TAOK3: variants seen among roughly 807,000 people sequenced by gnomAD.
The protein encoded by TAOK3 is TAO kinase 3, also known as serine/threonine-protein kinase TAO3.
In TAOK3, 40 loss-of-function variants were observed where a neutral mutation model predicts 120.4. The ratio of observed to expected loss-of-function variants is 0.33; its 90% CI spans 0.26 to 0.43. The LOEUF is 0.43. Ranked by LOEUF, TAOK3 falls within the 20% of genes least tolerant of loss-of-function variation. The probability of loss-of-function intolerance (pLI) is 1.00; values close to 1 mark genes in which losing one functional copy is unlikely to be tolerated. For synonymous variants in TAOK3, 355 were observed against 387.5 expected, an observed-to-expected ratio of 0.92 and a Z score of 0.99; for missense variants, 821 against 1,112.1, an observed-to-expected ratio of 0.74 and a Z score of 3.72.
At position 118,263,647 on chromosome 12, in the gene TAOK3, A is replaced by G. The variant is rs113485516; in HGVS notation, c.-89+3008T>C. ...AGAATTGTCAAAACTTAATAATAAG[A>G]AAATAAGAAAACCCAATTTTTTTAA... On this transcript the variant is annotated intron_variant, in intron 2 of 20. Coordinates refer to ENST00000392533, the MANE Select transcript of TAOK3 (RefSeq NM_016281.4). Among the ~76,000 whole-genome samples, 1,469 of 152,320 alleles carry G rather than the reference A, an allele frequency of 9.6e-3. 24 individuals are homozygous for G. The highest frequency in any genetic ancestry group is 0.034 in the African/African-American group (1,422 of 41,572).
intron 1 of TAOK3, among the ~76,000 whole-genome samples, chr12:118,284,036 C>T (rs555156058): frequency 4.6e-5 from 7 of 151,484 alleles, no homozygotes; most frequent in Admixed American, 1.3e-4. Context: ...ACATACAGGC[C>T]GGACAAAGAA....
chr12:118,334,903 G>A (rs2044300348), intron 1 of TAOK3, among the ~76,000 whole-genome samples: 1 of 151,518 alleles, frequency 6.6e-6, no homozygotes, highest in African/African-American at 2.4e-5. Context: ...AAAAGGCCGG[G>A]CTTAGTGGCT....
chr12:118,295,543 A>G (rs1434954325), intron 1 of TAOK3, among the ~76,000 whole-genome samples: 7 of 152,152 alleles, frequency 4.6e-5, no homozygotes, highest in African/African-American at 7.2e-5. Flanking sequence ...ATTTTGTGTA[A>G]TAGTTAAAAA....
chr12:118,361,836 T>A (rs1171626836), intron 1 of TAOK3, among the ~76,000 whole-genome samples: 1 of 152,024 alleles, frequency 6.6e-6, no homozygotes, highest in East Asian at 1.9e-4. Context: ...GTTTGTTACA[T>A]GGGAATATTG....
chr12:118,165,342 C>T (rs1260762928), intron 17 of TAOK3, among the ~76,000 whole-genome samples: 1 of 152,168 alleles, frequency 6.6e-6, no homozygotes, highest in Non-Finnish European at 1.5e-5. Flanking sequence ...CCACACTTTC[C>T]TAAATTGAGA....
chr12:118,285,018 A>T (rs974564451), intron 1 of TAOK3, among the ~76,000 whole-genome samples: 1 of 151,890 alleles, frequency 6.6e-6, no homozygotes, highest in Non-Finnish European at 1.5e-5. Context: ...GTAAAAAAAA[A>T]AAAATCAAGC....
chr12:118,366,061 C>T (rs368884125), intron 1 of TAOK3, among the ~76,000 whole-genome samples: 65 of 152,148 alleles, frequency 4.3e-4, no homozygotes, highest in African/African-American at 1.5e-3. Context: ...GTCAGGAATT[C>T]GAGACCAGCC....
Position 118,201,394 on chromosome 12 carries a change from C to T in TAOK3, c.889G>A (p.Val297Ile). 1 of 1,614,110 alleles carries T rather than the reference C, an allele frequency of 6.2e-7. No homozygotes were observed. The highest frequency in any genetic ancestry group is 8.5e-7 in the Non-Finnish European group (1 of 1,179,980). ...IDLIQRTKDAVRELDNLQYRK... is the reference protein window; with the variant it reads ...IDLIQRTKDAIRELDNLQYRK... ...TACTGTAGGTTATCTAGCTCACGAA[C>T]TGCATCTTTTGTCCTCTGTATGAGG... Residue 297 changes from valine (V) to isoleucine (I), a missense_variant, in exon 12 of 21, where the codon GTT becomes ATT. Physicochemically the swap from Val to Ile is conservative, Grantham distance 29 (BLOSUM62 3). Coordinates refer to ENST00000392533, the MANE Select transcript of TAOK3 (RefSeq NM_016281.4).
chr12:118,195,310 T>C (rs972810212), intron 13 of TAOK3, among the ~76,000 whole-genome samples: 4 of 152,172 alleles, frequency 2.6e-5, no homozygotes, highest in Non-Finnish European at 5.9e-5. Flanking sequence ...AAAATAAAAA[T>C]ACACCTTTTG....
In TAOK3 at chr12:118,184,493, A is replaced by G. The variant is rs76027750; in HGVS notation, c.1330-2886T>C. On this transcript the variant is annotated intron_variant, in intron 14 of 20. Transcript: ENST00000392533. The stretch of plus-strand genomic sequence containing the variant: ...CATATGGTTTAAAAAGTGCTTTCAC[A>G]TATAATTTACCTCTTTAATTTTTAG... Among the ~76,000 whole-genome samples the G allele has an allele frequency of 9.1e-3, 1,389 of 152,332 alleles. 17 individuals carry two copies. Among genetic ancestry groups the G allele is most frequent in the South Asian group, 0.013 (64 of 4,832 alleles).
intron 1 of TAOK3, among the ~76,000 whole-genome samples, chr12:118,272,503 C>A (rs565014881): frequency 2.0e-5 from 3 of 151,480 alleles, no homozygotes; most frequent in African/African-American, 4.9e-5. Flanking sequence ...CCAGTGAATT[C>A]GAAAACTCCA....
chr12:118,155,215 C>T (rs1330335841), intron 19 of TAOK3, among the ~76,000 whole-genome samples: 1 of 152,096 alleles, frequency 6.6e-6, no homozygotes, highest in Non-Finnish European at 1.5e-5. Flanking sequence ...AGGCTGGTCT[C>T]GAACTCCTGA....
chr12:118,201,038 C>A (rs1357447029), intron 12 of TAOK3: 2 of 305,166 alleles, frequency 6.6e-6, no homozygotes, highest in Non-Finnish European at 6.1e-6. Context: ...CTCCAGGAAA[C>A]CTTCACTAAT....
chr12:118,199,240 G>C lies in TAOK3; in HGVS notation c.1005C>G (p.Thr335=). 6.2e-7 allele frequency: 1 copy of C among 1,613,976 alleles called. No homozygotes were observed. Among genetic ancestry groups the C allele is most frequent in the Non-Finnish European group, 8.5e-7 (1 of 1,179,952 alleles). ...GGCTGTCCATTTCCCTGTTCAGGCT[G>C]GTTCCATGTTCACTGTCCTGTAAAA... is the stretch of plus-strand genomic sequence containing the variant. The part of the protein sequence containing the change: ...QEDEEDSEHG[T]SLNREMDSLG... Residue 335 remains threonine (T), a synonymous_variant, in exon 13 of 21, where the codon ACC becomes ACG. Coordinates refer to ENST00000392533, the MANE Select transcript of TAOK3 (RefSeq NM_016281.4).
intron 2 of TAOK3, among the ~76,000 whole-genome samples, chr12:118,264,646 T>C (rs564825672): frequency 3.3e-5 from 5 of 152,184 alleles, no homozygotes; most frequent in Non-Finnish European, 7.3e-5. Context: ...GATATGTTTA[T>C]TTCCACTATG....
At chr12:118,338,724 T>C (rs534648696) in intron 1 of TAOK3, among the ~76,000 whole-genome samples, 1 of 136,754 alleles carries the variant, frequency 7.3e-6, no homozygotes, top group South Asian at 2.3e-4. Context: ...GAGGCAGAGG[T>C]TGCAGTGAGC....
At chr12:118,183,080 T>C (rs577337859) in intron 14 of TAOK3, among the ~76,000 whole-genome samples, 23 of 152,248 alleles carry the variant, frequency 1.5e-4, no homozygotes, top group Admixed American at 4.6e-4. Flanking sequence ...TTTAGTCTTG[T>C]TCTTCACTAA....
chr12:118,211,614 T>C (rs1341601252), intron 11 of TAOK3, among the ~76,000 whole-genome samples: 1 of 9,154 alleles, frequency 1.1e-4, no homozygotes, highest in African/African-American at 4.1e-4. Context: ...CATATTTTCC[T>C]TTTTTTTTTT....
intron 1 of TAOK3, among the ~76,000 whole-genome samples, chr12:118,289,039 C>G (rs1464285898): frequency 6.6e-6 from 1 of 151,694 alleles, no homozygotes; most frequent in Non-Finnish European, 1.5e-5. Context: ...GTGGCTCACA[C>G]CTGTAATCCC....
Sources: allele counts gnomAD v4.1 joint callset (sites outside exome capture counted in the v4.1 genomes callset), GRCh38; gene constraint gnomAD v4.1.1; transcripts MANE v1.5; gene names NCBI Gene and HGNC (gene_info 2026-07-23, HGNC 2026-07-21).